Variants in DCAF1 observed in about 807,000 individuals in gnomAD.
DCAF1 encodes the protein DDB1 and CUL4 associated factor 1, also known as DDB1- and CUL4-associated factor 1.
Under a neutral mutation model 128.0 loss-of-function variants are expected in DCAF1, and 15 were observed. The ratio of observed to expected loss-of-function variants is 0.12; its 90% CI spans 0.08 to 0.18. DCAF1 has a LOEUF of 0.18. Ranked by LOEUF, DCAF1 falls within the 10% of genes least tolerant of loss-of-function variation. The pLI is 1.00. For missense variants in DCAF1, 988 were observed against 1,649.5 expected (o/e 0.60, Z 6.95); for synonymous variants, 610 against 603.0 (o/e 1.01, Z -0.17).
chr3:51,441,825 G>T lies in DCAF1; in HGVS notation c.586C>A (p.Pro196Thr), dbSNP rs782635489. The T allele has an allele frequency of 6.2e-7, 1 of 1,613,656 alleles. No individual in the cohort carries two copies. Among genetic ancestry groups the T allele is most frequent in the Non-Finnish European group, 8.5e-7 (1 of 1,179,882 alleles). ...TCAGAAGAGAGCTTCCGTGGACTGG[G>T]ACGCTTGTTTTCCTGCCGCAAAGCC... ...EVALRQENKRPSPRKLSSEPL... is the reference protein window; with the variant it reads ...EVALRQENKRTSPRKLSSEPL... Residue 196 changes from proline to threonine, a missense_variant, in exon 8 of 25, where the codon CCC becomes ACC. This residue lies in a region of DCAF1 where 210 missense variants were observed against 260.2 expected (regional missense o/e 0.81). Coordinates refer to ENST00000684031, the MANE Select transcript of DCAF1 (RefSeq NM_001387579.1).
At chr3:51,482,835 ATTTTT>A (rs1706399527) in intron 3 of DCAF1, among the ~76,000 whole-genome samples, 2 of 141,842 alleles carry the variant, frequency 1.4e-5, no homozygotes, top group African/African-American at 5.2e-5. Context: ...TTTTATTTTT[ATTTTT>A]TTAATTTAAA....
intron 9 of DCAF1, among the ~76,000 whole-genome samples, chr3:51,438,461 T>C (rs782734863): frequency 6.6e-6 from 1 of 152,202 alleles, no homozygotes; most frequent in Non-Finnish European, 1.5e-5. Context: ...ACCATATAGC[T>C]ACATGTAAAC....
intron 2 of DCAF1, among the ~76,000 whole-genome samples, chr3:51,490,918 ACT>A (rs1486776439): frequency 2.6e-5 from 4 of 151,836 alleles, no homozygotes; most frequent in African/African-American, 7.2e-5. Flanking sequence ...ACAGAGAGAG[ACT>A]CTGTCTCAAA....
At chr3:51,504,181 C>T (rs1708886957), upstream of DCAF1, among the ~76,000 whole-genome samples, 4 of 151,500 alleles carry the variant, frequency 2.6e-5, 1 homozygote, top group South Asian at 8.4e-4. Context: ...GGACTACAGG[C>T]GCCCGCCACC....
intron 10 of DCAF1, among the ~76,000 whole-genome samples, chr3:51,431,868 G>A (rs1292995834): frequency 6.6e-6 from 1 of 152,052 alleles, no homozygotes; most frequent in Non-Finnish European, 1.5e-5. Context: ...CTACTTGGGA[G>A]GCTGAAGTGG....
chr3:51,435,358 G>A (rs1222846198), intron 9 of DCAF1, among the ~76,000 whole-genome samples: 1 of 152,152 alleles, frequency 6.6e-6, no homozygotes, highest in African/African-American at 2.4e-5. Context: ...GTATAACCAT[G>A]AGCTTACACA....
intron 6 of DCAF1, among the ~76,000 whole-genome samples, chr3:51,460,044 G>A (rs1703367988): frequency 6.6e-6 from 1 of 152,074 alleles, no homozygotes; most frequent in Non-Finnish European, 1.5e-5. Flanking sequence ...ATAGCGTTGG[G>A]AGTTCTGGCC....
chr3:51,497,553 C>T (rs1553661699), intron 1 of DCAF1, among the ~76,000 whole-genome samples: 1 of 151,724 alleles, frequency 6.6e-6, no homozygotes, highest in Non-Finnish European at 1.5e-5. Flanking sequence ...CACCACTGCA[C>T]TCCAGCCTGG....
At chr3:51,464,878 G>A (rs901814806) in intron 5 of DCAF1, among the ~76,000 whole-genome samples, 4 of 152,230 alleles carry the variant, frequency 2.6e-5, no homozygotes, top group Admixed American at 1.3e-4. Context: ...TTGGAGGAGA[G>A]GAGGGCCAGA....
At chr3:51,406,077 C>T (rs2090083655) in intron 23 of DCAF1, among the ~76,000 whole-genome samples, 1 of 151,896 alleles carries the variant, frequency 6.6e-6, no homozygotes, top group African/African-American at 2.4e-5. Context: ...GGCGTGGTGG[C>T]TCACACCTGT....
intron 24 of DCAF1, among the ~76,000 whole-genome samples, chr3:51,400,955 AC>A (rs1490600544): frequency 1.3e-5 from 2 of 151,996 alleles, no homozygotes; most frequent in Non-Finnish European, 2.9e-5. Context: ...ACACGGTGAA[AC>A]CCTGTCTCTA....
At chr3:51,500,353 C>G (rs937992747), upstream of DCAF1, among the ~76,000 whole-genome samples, 1 of 152,098 alleles carries the variant, frequency 6.6e-6, no homozygotes, top group Non-Finnish European at 1.5e-5. Flanking sequence ...CCTTCTAAGA[C>G]AGTACTGTAA....
At chr3:51,408,975 C>T (rs1398741754) in intron 23 of DCAF1, among the ~76,000 whole-genome samples, 12 of 152,270 alleles carry the variant, frequency 7.9e-5, no homozygotes, top group South Asian at 6.2e-4. Context: ...GAAAGCTTTC[C>T]GGCTCTTCTA....
intron 9 of DCAF1, among the ~76,000 whole-genome samples, chr3:51,439,956 C>T (rs1391204377): frequency 6.6e-6 from 1 of 152,054 alleles, no homozygotes; most frequent in Non-Finnish European, 1.5e-5. Flanking sequence ...CACACCACTG[C>T]ACTCCAGCCT....
chr3:51,497,669 C>T (rs1434822769), intron 1 of DCAF1, among the ~76,000 whole-genome samples: 3 of 152,102 alleles, frequency 2.0e-5, no homozygotes, highest in Non-Finnish European at 2.9e-5. Flanking sequence ...GAAGCCAAGT[C>T]GGAAGGATTG....
intron 23 of DCAF1, among the ~76,000 whole-genome samples, chr3:51,407,124 G>A (rs1378008608): frequency 7.0e-5 from 10 of 142,622 alleles, no homozygotes; most frequent in African/African-American, 7.9e-5. Flanking sequence ...CCTAGGAGGC[G>A]GAAGCCTGGG....
upstream of DCAF1, among the ~76,000 whole-genome samples, chr3:51,503,625 A>G (rs149859329): frequency 2.6e-4 from 40 of 152,282 alleles, no homozygotes; most frequent in African/African-American, 8.7e-4. Flanking sequence ...GGAGCCACCA[A>G]TTAGAGGCTT....
At chr3:51,488,070 G>A (rs1707184928) in intron 2 of DCAF1, among the ~76,000 whole-genome samples, 1 of 151,658 alleles carries the variant, frequency 6.6e-6, no homozygotes, top group African/African-American at 2.4e-5. Flanking sequence ...TCACCATGTT[G>A]GCCAGGCTGG....
chr3:51,411,163 GA>G (rs1268364026), intron 23 of DCAF1, among the ~76,000 whole-genome samples: 127 of 58,860 alleles, frequency 2.2e-3, no homozygotes, highest in African/African-American at 4.3e-3. Context: ...CTCCATCTCA[GA>G]AAAAAAAAAA....
Sources: gnomAD v4.1 joint callset for allele counts (sites outside exome capture counted in the v4.1 genomes callset) on GRCh38, gnomAD v4.1.1 for gene constraint, gnomAD v4.1.1 regional missense constraint, MANE v1.5 for transcripts, NCBI Gene and HGNC (gene_info 2026-07-23, HGNC 2026-07-21) for gene names.